The following RBBP8NL variants were observed in gnomAD, a reference collection of about 807,000 sequenced individuals.
RBBP8NL encodes the protein RBBP8 N-terminal-like protein.
Under a neutral mutation model 62.2 loss-of-function variants are expected in RBBP8NL, and 59 were observed. The observed-to-expected ratio is 0.95, with a 90% CI of 0.77 to 1.18. The LOEUF (loss-of-function observed/expected upper bound fraction) is 1.18, where lower values mean the gene tolerates loss of function less well. Ranked by LOEUF, RBBP8NL falls within the 50% of genes most tolerant of loss-of-function variation. RBBP8NL has a pLI of 0.00. For synonymous variants in RBBP8NL, 412 were observed against 394.1 expected, an observed-to-expected ratio of 1.05 and a Z score of -0.54; for missense variants, 896 against 899.5, an observed-to-expected ratio of 1.00 and a Z score of 0.05.
At chr20:62,413,594 G>A (rs1988485838) in intron 10 of RBBP8NL, 49 bp from the exon 11 acceptor site, 2 of 1,496,964 alleles carry the variant, frequency 1.3e-6, no homozygotes, top group Non-Finnish European at 8.9e-7. Context: ...AGACTTCCTT[G>A]CCGCCAACTC....
chr20:62,422,559 C>G (rs1241485061), intron 1 of RBBP8NL, among the ~76,000 whole-genome samples: 1 of 8,388 alleles, frequency 1.2e-4, no homozygotes, highest in Non-Finnish European at 2.1e-4. Flanking sequence ...GGGGTGGGGA[C>G]GGGGACTGGG....
chr20:62,418,599 G>A, intron 2 of RBBP8NL, 134 bp from the exon 3 acceptor site: 2 of 893,940 alleles, frequency 2.2e-6, no homozygotes, highest in Non-Finnish European at 3.6e-6. Flanking sequence ...GCCCTGCCAG[G>A]TGAGCCCCTG....
At chr20:62,411,185 C>G (rs1199018944) in intron 13 of RBBP8NL, among the ~76,000 whole-genome samples, 189 bp from the exon 14 acceptor site, 1 of 152,198 alleles carries the variant, frequency 6.6e-6, no homozygotes, top group Non-Finnish European at 1.5e-5. Context: ...GAGGGTGAAC[C>G]CTGAGAATTG....
chr20:62,414,470 C>G lies in RBBP8NL; in HGVS notation c.881G>C (p.Arg294Pro), dbSNP rs954182600. The G allele has an allele frequency of 4.7e-6, 7 of 1,479,718 alleles. No homozygotes were observed. The South Asian group carries it at 9.7e-5, about 21-fold the overall frequency. The allele number at this position is 1,479,718 out of a possible 1,614,324, so 91.7% of individuals were successfully genotyped here. A position where few individuals can be genotyped will look rare whatever the true frequency, so the allele number is the denominator to read the frequency against. ...PKVDRLCLLN[R>P]PLSLHLQSPH... is the part of the protein sequence containing the mutation. ...GCTCTGAAGGTGCAGGGACAGGGGG[C>G]GGTTTAGGAGGCAGAGCCGGTCCAC... Residue 294 changes from arginine (R) to proline (P), a missense_variant, in exon 10 of 14, where the codon CGC becomes CCC. By Grantham distance (103) the Arg-to-Pro change is moderately radical. Transcript: ENST00000252998.
At chr20:62,419,038 G>C (rs1322062517) in intron 2 of RBBP8NL, among the ~76,000 whole-genome samples, 1 of 152,088 alleles carries the variant, frequency 6.6e-6, no homozygotes, top group Non-Finnish European at 1.5e-5. Flanking sequence ...CTGCGGCCCT[G>C]TCCCTCGTGG....
Position 62,410,822 on chromosome 20 carries a change from C to T in RBBP8NL, c.*56G>A. 8.1e-7 allele frequency: 1 copy of T among 1,238,240 alleles called. No homozygotes were observed. Among genetic ancestry groups the T allele is most frequent in the Non-Finnish European group, 1.2e-6 (1 of 851,860 alleles). The allele number at this position is 1,238,240 out of a possible 1,614,324, so 76.7% of individuals were successfully genotyped here. On this transcript the variant is annotated 3_prime_UTR_variant, in exon 14 of 14. Coordinates refer to ENST00000252998, the MANE Select transcript of RBBP8NL (RefSeq NM_080833.3). ...TTGGATGGTGTGCCCTCTCCAGGCC[C>T]TGGTGGGCAGGTGGAGGGCTGCCCC... is the stretch of plus-strand genomic sequence containing the variant.
intron 1 of RBBP8NL, among the ~76,000 whole-genome samples, chr20:62,421,123 G>T (rs1988687812): frequency 6.6e-6 from 1 of 152,262 alleles, no homozygotes; most frequent in Non-Finnish European, 1.5e-5. Flanking sequence ...CTGGGCCTCT[G>T]CAAGCCAGTG....
chr20:62,421,038 G>A (rs1462148802), intron 1 of RBBP8NL, among the ~76,000 whole-genome samples: 1 of 123,158 alleles, frequency 8.1e-6, no homozygotes, highest in African/African-American at 2.6e-5. Context: ...CTGTCTGTCT[G>A]TCCTCCCCTG....
chr20:62,413,926 G>A lies in RBBP8NL; in HGVS notation c.1425C>T (p.Pro475=), dbSNP rs757524019. The change falls in exon 10 of 14, where the codon CCC becomes CCT. Residue 475 remains proline, a synonymous_variant. Coordinates refer to ENST00000252998, the MANE Select transcript of RBBP8NL (RefSeq NM_080833.3). The part of the protein sequence containing the change: ...LSPAAAHTAS[P]EPPTQSGPLT... ...GGGGTCCGGACTGGGTGGGTGGCTC[G>A]GGGCTGGCAGTGTGGGCAGCGGCAG... 15 of 1,590,922 alleles carry A rather than the reference G, an allele frequency of 9.4e-6. No homozygotes were observed. The highest frequency in any genetic ancestry group is 3.4e-5 in the South Asian group (3 of 87,840).
chr20:62,424,486 A>G (rs184134937), intron 1 of RBBP8NL, among the ~76,000 whole-genome samples: 2 of 152,254 alleles, frequency 1.3e-5, no homozygotes, highest in Admixed American at 6.5e-5. Flanking sequence ...TCCTGCAGTG[A>G]GGTGCTACTG....
intron 1 of RBBP8NL, among the ~76,000 whole-genome samples, chr20:62,426,889 A>AGGTGGAGGT (rs964010443): frequency 3.3e-5 from 5 of 152,160 alleles, no homozygotes; most frequent in African/African-American, 1.2e-4. Flanking sequence ...TCCCTCCCGG[A>AGGTGGAGGT]GGTGGAGGTG....
chr20:62,414,064 C>T lies in RBBP8NL; in HGVS notation c.1287G>A (p.Glu429=). ...GGGCACAGTCCTGCGTGGCTGCAGC[C>T]TCTGTCCTCTGGGCGCGGCCCGGGC... ...PAGPGRAQRT[E]AAATQDCALD... The change falls in exon 10 of 14, where the codon GAG becomes GAA. Residue 429 remains glutamate (E), a synonymous_variant. Transcript: ENST00000252998. The T allele has an allele frequency of 6.3e-7, 1 of 1,595,904 alleles. No individual in the cohort carries two copies. Among genetic ancestry groups the T allele is most frequent in the Non-Finnish European group, 8.5e-7 (1 of 1,173,002 alleles).
rs896012033 is a variant in RBBP8NL, at chr20:62,419,594, T to C, written c.54A>G (p.Glu18=). 2 of 1,613,564 alleles carry C rather than the reference T, an allele frequency of 1.2e-6. No individual in the cohort carries two copies. Among genetic ancestry groups the C allele is most frequent in the Middle Eastern group, 1.7e-4 (1 of 6,060 alleles). The change falls in exon 2 of 14, where the codon GAA becomes GAG. Residue 18 remains glutamate, a synonymous_variant. Transcript: ENST00000252998. ...LNRLKEIHEK[E]VLGLQNKLLE... ...CTGTCCCTGGCCCCTCACCCAGGAC[T>C]TCCTTCTCGTGGATCTCCTTCAGCC... is the stretch of plus-strand genomic sequence containing the variant.
rs1241497037 is a variant in RBBP8NL, at chr20:62,417,936, CA to C, written c.104+486del. On this transcript the variant is annotated intron_variant, in intron 3 of 13. Coordinates refer to ENST00000252998, the MANE Select transcript of RBBP8NL (RefSeq NM_080833.3). Reference sequence around the variant, plus strand: ...CTGTCCTGTCCACGCAACGCCCCCCCAGTCATCTGCACGCTCCTCTGTGACG... The same window carrying C: ...CTGTCCTGTCCACGCAACGCCCCCCCGTCATCTGCACGCTCCTCTGTGACG... Among the ~76,000 whole-genome samples, 417 of 96,816 alleles carry C rather than the reference CA, an allele frequency of 4.3e-3. 93 individuals are homozygous for C. Among genetic ancestry groups the C allele is most frequent in the African/African-American group, 0.019 (389 of 20,774 alleles). 63.5% of individuals were successfully genotyped at this position (96,816 alleles called of 152,430 possible).
chr20:62,419,749 G>C lies in RBBP8NL; in HGVS notation c.-83-19C>G, dbSNP rs77688872. On this transcript the variant is annotated intron_variant, in intron 1 of 13. Transcript: ENST00000252998. ...GTCCATCCTGAAGAGGAGGAAGAGG[G>C]GACAGGGATCCGCTCAGGAAGGGCT... 7,817 of 1,319,292 alleles carry C rather than the reference G, an allele frequency of 5.9e-3. 308 individuals carry two copies. In the African/African-American group the frequency reaches 0.092, roughly 15 times the overall value. 81.7% of individuals were successfully genotyped at this position (1,319,292 alleles called of 1,614,324 possible).
Position 62,415,248 on chromosome 20 carries a change from C to A in RBBP8NL, c.667G>T (p.Ala223Ser). ...GCCTGGGACCCAGGCCGCACCACGG[C>A]AATGGTCCCGTGCAGCTGGTTGGAG... Reference protein sequence around the residue: ...RISNQLHGTIAVVRPGSQACP... With the variant: ...RISNQLHGTISVVRPGSQACP... Residue 223 changes from alanine (A) to serine (S), a missense_variant, in exon 9 of 14, where the codon GCC becomes TCC. Physicochemically the swap from Ala to Ser is moderately conservative, Grantham distance 99. Coordinates refer to ENST00000252998, the MANE Select transcript of RBBP8NL (RefSeq NM_080833.3). 1 of 1,563,874 alleles carries A rather than the reference C, an allele frequency of 6.4e-7. No individual in the cohort carries two copies. The highest frequency in any genetic ancestry group is 1.2e-5 in the South Asian group (1 of 85,518).
intron 1 of RBBP8NL, among the ~76,000 whole-genome samples, chr20:62,422,110 G>A (rs144881728): frequency 3.3e-5 from 5 of 152,272 alleles, no homozygotes; most frequent in East Asian, 1.9e-4. Context: ...GATGTGCACC[G>A]CTCTGCTCAA....
chr20:62,415,301 TG>T lies in RBBP8NL; in HGVS notation c.628-15del. 6.4e-7 allele frequency: 1 copy of T among 1,561,934 alleles called. No homozygotes were observed. The highest frequency in any genetic ancestry group is 1.8e-5 in the Admixed American group (1 of 54,840). ...GCGCTGGGGGCTCTGTGAGGATGGG[TG>T]GGTCAGCCTGGGCGGGGGCATGCGT... is the stretch of plus-strand genomic sequence containing the variant. On this transcript the variant is annotated splice_polypyrimidine_tract_variant and intron_variant, in intron 8 of 13. Transcript: ENST00000252998.
chr20:62,415,115 G>A lies in RBBP8NL; in HGVS notation c.794+6C>T, dbSNP rs1029138852. The stretch of plus-strand genomic sequence containing the variant: ...TACTCTGGGTGAGGGTGGGGCAGGC[G>A]GGCACCTGTCCAGGGAGAGGCCACG... On this transcript the variant is annotated splice_donor_region_variant and intron_variant, in intron 9 of 13. Transcript: ENST00000252998. 12 of 1,460,908 alleles carry A rather than the reference G, an allele frequency of 8.2e-6. No homozygotes were observed. Among genetic ancestry groups the A allele is most frequent in the African/African-American group, 5.7e-5 (4 of 69,906 alleles). The allele number at this position is 1,460,908 out of a possible 1,614,324, so 90.5% of individuals were successfully genotyped here. A position where few individuals can be genotyped will look rare whatever the true frequency, so the allele number is the denominator to read the frequency against.
Sources: gnomAD v4.1 joint callset for allele counts (sites outside exome capture counted in the v4.1 genomes callset) on GRCh38, gnomAD v4.1.1 for gene constraint, MANE v1.5 for transcripts, NCBI Gene and HGNC (gene_info 2026-07-23, HGNC 2026-07-21) for gene names.